The following LRP4 variants were observed in gnomAD, a reference collection of about 807,000 sequenced individuals.
LRP4 encodes the protein LDL receptor related protein 4.
Under a neutral mutation model 220.3 loss-of-function variants are expected in LRP4, and 95 were observed. The ratio of observed to expected loss-of-function variants is 0.43; its 90% CI spans 0.37 to 0.51. LRP4 has a LOEUF of 0.51. LRP4 is among the 20% of genes least tolerant of loss of function. LRP4 has a pLI of 0.00. For synonymous variants in LRP4, 903 were observed against 954.6 expected (o/e 0.95, Z 1.00); for missense variants, 1,925 against 2,567.0 (o/e 0.75, Z 5.40).
rs1247727700 is a variant in LRP4, at chr11:46,881,746, T to C, written c.2770A>G (p.Met924Val). 3.1e-6 allele frequency: 5 copies of C among 1,614,016 alleles called. No individual in the cohort carries two copies. The highest frequency in any genetic ancestry group is 4.2e-6 in the Non-Finnish European group (5 of 1,180,046). ...AGTCCAGCAAATTCAATTGTCTTCA[T>C]GCCGGCGTCAGCCCAGTATAGACGC... ...SQRLYWADAG[M>V]KTIEFAGLDG... The change falls in exon 20 of 38, where the codon ATG becomes GTG. Residue 924 changes from methionine to valine, a missense_variant. Transcript: ENST00000378623.
Position 46,886,310 on chromosome 11 carries a change from C to A in LRP4, c.2424+15G>T, listed in dbSNP as rs775483314. The A allele has an allele frequency of 6.3e-6, 10 of 1,586,390 alleles. No individual in the cohort carries two copies. Among genetic ancestry groups the A allele is most frequent in the East Asian group, 2.3e-5 (1 of 43,506 alleles). The stretch of plus-strand genomic sequence containing the variant: ...GGTGGATTCCACCCTTCAACCTCCC[C>A]ACGCTGGGCCCTACCTCCTGTCCTG... On this transcript the variant is annotated intron_variant, in intron 17 of 37. Coordinates refer to ENST00000378623, the MANE Select transcript of LRP4 (RefSeq NM_002334.4).
chr11:46,896,358 C>A, intron 8 of LRP4, 23 bp from the exon 9 acceptor site: 1 of 1,611,732 alleles, frequency 6.2e-7, no homozygotes, highest in South Asian at 1.1e-5. Context: ...AGGGTCAGGT[C>A]ATAGCAAGGC....
rs766792288 is a variant in LRP4 at position 46,881,752 on chromosome 11, C to T, written c.2764G>A (p.Ala922Thr). Residue 922 changes from alanine to threonine, a missense_variant, in exon 20 of 38, where the codon GCC (alanine) becomes ACC (threonine). Ala to Thr is a moderately conservative substitution (Grantham distance 58, BLOSUM62 0). Coordinates refer to ENST00000378623, the MANE Select transcript of LRP4 (RefSeq NM_002334.4). ...YGSQRLYWADAGMKTIEFAGL... is the reference protein window; with the variant it reads ...YGSQRLYWADTGMKTIEFAGL... ...GCAAATTCAATTGTCTTCATGCCGG[C>T]GTCAGCCCAGTATAGACGCTGGGAC... 3.7e-6 allele frequency: 6 copies of T among 1,614,054 alleles called. No individual in the cohort carries two copies. Among genetic ancestry groups the T allele is most frequent in the African/African-American group, 1.3e-5 (1 of 75,016 alleles).
Position 46,869,147 on chromosome 11 carries a change from A to C in LRP4, c.4693-15T>G, listed in dbSNP as rs756967927. The C allele has an allele frequency of 5.6e-6, 9 of 1,613,188 alleles. No individual in the cohort carries two copies. In the East Asian group the frequency reaches 2.0e-4, roughly 36 times the overall value. ...CACCTGTCTTGCTACTCAACAGGGG[A>C]AGCCCAAAAACAGTAAATATTATTC... On this transcript the variant is annotated splice_polypyrimidine_tract_variant and intron_variant, in intron 31 of 37. Coordinates refer to ENST00000378623, the MANE Select transcript of LRP4 (RefSeq NM_002334.4).
At chr11:46,868,256 A>G in intron 33 of LRP4, 142 bp from the exon 34 acceptor site, 3 of 938,714 alleles carry the variant, frequency 3.2e-6, no homozygotes, top group Non-Finnish European at 5.0e-6. Context: ...CCTTCTTAAT[A>G]CTATCAATAA....
At position 46,859,297 on chromosome 11, in the gene LRP4, A is replaced by G; in HGVS notation, c.5404T>C (p.Tyr1802His). ...YKKEGGPDHNYTKEKIKIVEG... is the reference protein window; with the variant it reads ...YKKEGGPDHNHTKEKIKIVEG... Reference sequence around the variant, plus strand: ...ACGATCTTGATCTTCTCCTTGGTGTAGTTATGGTCAGGCCCTCCCTAGGGT... The same window carrying G: ...ACGATCTTGATCTTCTCCTTGGTGTGGTTATGGTCAGGCCCTCCCTAGGGT... Residue 1802 changes from tyrosine (Y) to histidine (H), a missense_variant, in exon 38 of 38, where the codon TAC (tyrosine) becomes CAC (histidine). Physicochemically the swap from Tyr to His is moderately conservative, Grantham distance 83. Around this residue, in one of 3 missense-constraint regions of LRP4, gnomAD observed 1,244 missense variants for 1,624.9 expected, o/e 0.77. Transcript: ENST00000378623. The G allele has an allele frequency of 6.2e-7, 1 of 1,613,960 alleles. No individual in the cohort carries two copies. The highest frequency in any genetic ancestry group is 1.7e-5 in the Admixed American group (1 of 60,000).
chr11:46,882,530 TAA>T (rs1256950927), intron 19 of LRP4, among the ~76,000 whole-genome samples: 1 of 151,572 alleles, frequency 6.6e-6, no homozygotes, highest in Non-Finnish European at 1.5e-5. Flanking sequence ...ATGGGTTAAA[TAA>T]GTTAACAGAA....
rs200029707 is a variant in LRP4, at chr11:46,879,212, C to A, written c.2918G>T (p.Arg973Leu). The A allele has an allele frequency of 4.0e-5, 64 of 1,614,104 alleles. 3 individuals carry two copies. In the South Asian group the frequency reaches 6.5e-4, roughly 16 times the overall value. ...AGTCTCCCGGTCCAGCCCTGTCAGC[C>A]GGTCAGCGCTCTGTATGCTCTTGGT... ...WQTKSIQSAD[R>L]LTGLDRETLQ... The change falls in exon 21 of 38, where the codon CGG (arginine) becomes CTG (leucine). Residue 973 changes from arginine (R) to leucine (L), a missense_variant. Arg to Leu is a moderately radical substitution (Grantham distance 102). Coordinates refer to ENST00000378623, the MANE Select transcript of LRP4 (RefSeq NM_002334.4).
At chr11:46,913,966 C>G (rs933766809) in intron 1 of LRP4, among the ~76,000 whole-genome samples, 3 of 152,012 alleles carry the variant, frequency 2.0e-5, no homozygotes, top group Admixed American at 2.0e-4. Flanking sequence ...AATGAAGGAC[C>G]AAGTCTCAAT....
In LRP4 at chr11:46,890,180, G is replaced by C. The variant is rs1029998821; in HGVS notation, c.1916-60C>G. Reference sequence around the variant, plus strand: ...TGGTCTGCCATGTCCCCTGGGCCCAGGCCTGGCAACTACACAAAACCTCTA... The same window carrying C: ...TGGTCTGCCATGTCCCCTGGGCCCACGCCTGGCAACTACACAAAACCTCTA... On this transcript the variant is annotated intron_variant, in intron 14 of 37. Transcript: ENST00000378623. The surrounding 1 kb of genome is among the most constrained non-coding windows in gnomAD (Gnocchi z 5.3). 30 of 1,608,298 alleles carry C rather than the reference G, an allele frequency of 1.9e-5. No homozygotes were observed. Among genetic ancestry groups the C allele is most frequent in the Non-Finnish European group, 2.4e-5 (28 of 1,175,124 alleles).
intron 2 of LRP4, among the ~76,000 whole-genome samples, chr11:46,902,182 A>C (rs1167499380): frequency 1.3e-5 from 2 of 151,390 alleles, no homozygotes; most frequent in East Asian, 1.9e-4. Context: ...AAATGTTGAA[A>C]CCTCATCTCT....
chr11:46,864,185 C>T (rs1010242008), intron 36 of LRP4, among the ~76,000 whole-genome samples: 3 of 152,164 alleles, frequency 2.0e-5, no homozygotes, highest in African/African-American at 7.2e-5. Context: ...TGGGTAATAT[C>T]CTCTGTGCAC....
chr11:46,912,992 G>C (rs1453746108), intron 1 of LRP4, among the ~76,000 whole-genome samples: 4 of 152,064 alleles, frequency 2.6e-5, no homozygotes, highest in East Asian at 1.9e-4. Context: ...ATAGAGGTGA[G>C]GGGGAGCTCC....
chr11:46,894,542 C>T (rs140326373), intron 12 of LRP4, 47 bp downstream of exon 12: 18 of 1,433,166 alleles, frequency 1.3e-5, no homozygotes, highest in African/African-American at 4.2e-5. Context: ...ACCGTTGCTG[C>T]GCATGTGGCA....
intron 37 of LRP4, 79 bp downstream of exon 37, chr11:46,862,527 G>T: frequency 2.1e-6 from 3 of 1,401,494 alleles, no homozygotes; most frequent in South Asian, 2.3e-5. Context: ...AGCCGTTACT[G>T]ACTTATTTGG....
rs387906883 is a variant in LRP4, at chr11:46,875,946, C to G, written c.3557G>C (p.Trp1186Ser). 6.2e-6 allele frequency: 10 copies of G among 1,614,072 alleles called. No homozygotes were observed. The highest frequency in any genetic ancestry group is 3.3e-5 in the Admixed American group (2 of 60,014). ...HEMGFMYWTDWGENAKLERSG... is the reference protein window; with the variant it reads ...HEMGFMYWTDSGENAKLERSG... ...CCGCTCTAACTTGGCATTCTCCCCC[C>G]AGTCTGTCCAGTACATAAACCTGAG... is the stretch of plus-strand genomic sequence containing the variant. The change falls in exon 26 of 38, where the codon TGG becomes TCG. Residue 1186 changes from tryptophan to serine, a missense_variant. By Grantham distance (177) the Trp-to-Ser change is radical. Transcript: ENST00000378623. This position sits in a 1 kb window ranked among gnomAD's most constrained non-coding sequence, Gnocchi z 4.5.
At chr11:46,866,581 T>G (rs900644507) in intron 34 of LRP4, among the ~76,000 whole-genome samples, 8 of 152,134 alleles carry the variant, frequency 5.3e-5, no homozygotes, top group Non-Finnish European at 1.0e-4. Flanking sequence ...CCACTGCGCC[T>G]GGCCCAGATT....
intron 1 of LRP4, among the ~76,000 whole-genome samples, chr11:46,915,212 C>A (rs925406549): frequency 6.6e-6 from 1 of 152,210 alleles, no homozygotes; most frequent in Admixed American, 6.5e-5. Flanking sequence ...CTGGTCACGA[C>A]AACAGCGAGA....
At chr11:46,900,853 C>T (rs1332274313) in intron 2 of LRP4, among the ~76,000 whole-genome samples, 1 of 150,702 alleles carries the variant, frequency 6.6e-6, no homozygotes, top group Admixed American at 6.6e-5. Flanking sequence ...GTGGTATGAT[C>T]TCGGCTCACT....
Sources: allele counts gnomAD v4.1 joint callset (sites outside exome capture counted in the v4.1 genomes callset), GRCh38; gene constraint gnomAD v4.1.1; regional missense constraint gnomAD v4.1.1; non-coding constraint Gnocchi (gnomAD v3.1); transcripts MANE v1.5; gene names NCBI Gene and HGNC (gene_info 2026-07-23, HGNC 2026-07-21).